Variants in THBS3 observed in about 807,000 individuals in gnomAD.
THBS3 encodes thrombospondin-3.
Under a neutral mutation model 118.3 loss-of-function variants are expected in THBS3, and 78 were observed. The observed-to-expected ratio is 0.66, with a 90% CI of 0.55 to 0.80. THBS3 has a LOEUF of 0.80. Among genes scored for constraint, THBS3 ranks in the 30% least tolerant of loss-of-function variants. The pLI is 0.00. For synonymous variants in THBS3, 427 were observed against 475.3 expected (o/e 0.90, Z 1.32); for missense variants, 1,057 against 1,247.4 (o/e 0.85, Z 2.30).
intron 5 of THBS3, 77 bp from the exon 6 acceptor site, chr1:155,203,382 C>A (rs1379879040): frequency 5.2e-5 from 82 of 1,583,276 alleles, no homozygotes; most frequent in Non-Finnish European, 7.1e-5. Context: ...AAGCCAGTAC[C>A]TGCCACGGCT....
upstream of THBS3, chr1:155,208,718 G>A: frequency 2.3e-6 from 1 of 438,348 alleles, no homozygotes; most frequent in Non-Finnish European, 3.6e-6. Flanking sequence ...CCCGGCCTCC[G>A]CTCCGGCCGC....
intron 14 of THBS3, 88 bp from the exon 15 acceptor site, chr1:155,200,201 C>T: frequency 4.0e-6 from 5 of 1,252,902 alleles, no homozygotes; most frequent in African/African-American, 1.5e-5. Context: ...TTTGTCTCCC[C>T]ACCCAGAGGA....
chr1:155,201,129 G>A lies in THBS3; in HGVS notation c.1405C>T (p.Leu469=), dbSNP rs756283825. ...TDIDGYPDQA[L]PCMDNNKHCK... ...TGTTTGTTGTTGTCCATGCAGGGCA[G>A]TGCTTGGTCTGGGTAGCCATCGATG... Residue 469 remains leucine, a synonymous_variant, in exon 12 of 23, where the codon CTG becomes TTG. Transcript: ENST00000368378. 1 of 1,614,112 alleles carries A rather than the reference G, an allele frequency of 6.2e-7. No individual in the cohort carries two copies. Among genetic ancestry groups the A allele is most frequent in the African/African-American group, 1.3e-5 (1 of 74,926 alleles).
chr1:155,203,011 C>T lies in THBS3; in HGVS notation c.809-51G>A, dbSNP rs373372540. 3 of 1,613,754 alleles carry T rather than the reference C, an allele frequency of 1.9e-6. No individual in the cohort carries two copies. In the African/African-American group the frequency reaches 4.0e-5, roughly 22 times the overall value. On this transcript the variant is annotated intron_variant, in intron 7 of 22. Coordinates refer to ENST00000368378, the MANE Select transcript of THBS3 (RefSeq NM_007112.5). ...ACCCGGTGGTCACTATTTAAGCCAC[C>T]AGAAGGGAAAGCCAAAGCCATTGGG... is the stretch of plus-strand genomic sequence containing the variant.
In THBS3 at chr1:155,195,978, CCA is replaced by C; in HGVS notation, c.2812+7_2812+8del. On this transcript the variant is annotated splice_region_variant and intron_variant, in intron 22 of 22. Coordinates refer to ENST00000368378, the MANE Select transcript of THBS3 (RefSeq NM_007112.5). ...GAAGGATTAGGTTGATCTCAATCAG[CCA>C]CCTCACCATTGCATCGATACTGGAG... 6.2e-7 allele frequency: 1 copy of C among 1,614,208 alleles called. No individual in the cohort carries two copies.
chr1:155,204,549 C>T (rs1670267256), intron 4 of THBS3, among the ~76,000 whole-genome samples: 1 of 150,548 alleles, frequency 6.6e-6, no homozygotes, highest in South Asian at 2.1e-4. Flanking sequence ...TGCACCACTG[C>T]ACTCCGGCCT....
At position 155,197,197 on chromosome 1, in the gene THBS3, G is replaced by A. The variant is rs751004409; in HGVS notation, c.2516C>T (p.Ser839Phe). 1.8e-5 allele frequency: 29 copies of A among 1,614,026 alleles called. No individual in the cohort carries two copies. The highest frequency in any genetic ancestry group is 2.4e-5 in the Non-Finnish European group (28 of 1,179,992). The part of the protein sequence containing the change: ...GLQLKAVTSV[S>F]GPGEHLRNAL... ...ATTTCGGAGGTGCTCACCTGGGCCA[G>A]ACACTGATGTCACTGCCTAGGAGAC... Residue 839 changes from serine (S) to phenylalanine (F), a missense_variant, in exon 21 of 23, where the codon TCT (serine) becomes TTT (phenylalanine). Around this residue, in one of 3 missense-constraint regions of THBS3, gnomAD observed 307 missense variants for 326.1 expected, o/e 0.94. Transcript: ENST00000368378. The surrounding 1 kb of genome is among the most constrained non-coding windows in gnomAD (Gnocchi z 5.0).
At position 155,195,977 on chromosome 1, in the gene THBS3, G is replaced by C; in HGVS notation, c.2812+10C>G. 6.2e-7 allele frequency: 1 copy of C among 1,614,206 alleles called. No homozygotes were observed. The highest frequency in any genetic ancestry group is 8.5e-7 in the Non-Finnish European group (1 of 1,180,030). ...TGAAGGATTAGGTTGATCTCAATCA[G>C]CCACCTCACCATTGCATCGATACTG... On this transcript the variant is annotated intron_variant, in intron 22 of 22. Transcript: ENST00000368378.
intron 10 of THBS3, 160 bp from the exon 11 acceptor site, chr1:155,201,729 A>G: frequency 1.0e-6 from 1 of 1,001,930 alleles, no homozygotes. Flanking sequence ...GGTGGATAAC[A>G]GCCTCAGTTT....
chr1:155,207,692 T>C, intron 1 of THBS3, 106 bp downstream of exon 1: 1 of 1,223,322 alleles, frequency 8.2e-7, no homozygotes, highest in Non-Finnish European at 1.2e-6. Context: ...TGGCTCAATT[T>C]CTGGACTCTT....
rs1670574755 is a variant in THBS3, at chr1:155,206,568, A to G, written c.80-162T>C. Among the ~76,000 whole-genome samples the G allele has an allele frequency of 6.6e-6, 1 of 151,640 alleles. No homozygotes were observed. The highest frequency in any genetic ancestry group is 2.1e-4 in the South Asian group (1 of 4,810). On this transcript the variant is annotated intron_variant, in intron 1 of 22. Coordinates refer to ENST00000368378, the MANE Select transcript of THBS3 (RefSeq NM_007112.5). The surrounding 1 kb of genome is among the most constrained non-coding windows in gnomAD (Gnocchi z 4.2). ...GGTGGCTCGCACCTGTAATCCCAAC[A>G]CCTTGGGAGGTTGAGGCAGGTGGAT...
At chr1:155,196,865 C>A in intron 21 of THBS3, 176 bp downstream of exon 21, 1 of 628,776 alleles carries the variant, frequency 1.6e-6, no homozygotes, top group South Asian at 2.0e-5. Flanking sequence ...GAAAATGGGT[C>A]ATGGAGGAGT....
In THBS3 at chr1:155,205,148, G is replaced by A. The variant is rs567259227; in HGVS notation, c.455C>T (p.Ala152Val). The A allele has an allele frequency of 1.2e-6, 2 of 1,614,226 alleles. No individual in the cohort carries two copies. Among genetic ancestry groups the A allele is most frequent in the South Asian group, 2.2e-5 (2 of 91,084 alleles). The change falls in exon 3 of 23, where the codon GCA becomes GTA. Residue 152 changes from alanine (A) to valine (V), a missense_variant. Transcript: ENST00000368378. ...AATGGGGGCCAGTGCTGGAAGGCCT[G>A]CATGTTGGTCACCCAGTTTGCAGTC... ...YVDCKLGDQH[A>V]GLPALAPIPP... is the part of the protein sequence containing the mutation.
intron 16 of THBS3, 108 bp from the exon 17 acceptor site, chr1:155,198,710 C>T (rs897723770): frequency 4.4e-6 from 5 of 1,136,652 alleles, no homozygotes; most frequent in Non-Finnish European, 6.3e-6. Flanking sequence ...AATCAGACCC[C>T]TGGCAGTCAG....
At chr1:155,196,891 A>G (rs528773421) in intron 21 of THBS3, 150 bp downstream of exon 21, 82 of 712,988 alleles carry the variant, frequency 1.2e-4, no homozygotes, top group Non-Finnish European at 1.7e-4. Context: ...CACCAACATC[A>G]CTCATAGGTG....
rs151105726 is a variant in THBS3 at position 155,199,961 on chromosome 1, T to TC, written c.1827+33dup. On this transcript the variant is annotated intron_variant, in intron 15 of 22. Transcript: ENST00000368378. ...GCTGGGGCTTCATCCATCAGTACCC[T>TC]CATCCCTCCCCTGTCCTTACCATCT... is the stretch of plus-strand genomic sequence containing the variant. 540 of 1,606,014 alleles carry TC rather than the reference T, an allele frequency of 3.4e-4. 12 individuals carry two copies. The East Asian group carries it at 8.3e-3, about 25-fold the overall frequency.
chr1:155,199,776 A>G, intron 16 of THBS3, 28 bp downstream of exon 16: 2 of 1,613,150 alleles, frequency 1.2e-6, no homozygotes, highest in South Asian at 2.2e-5. Flanking sequence ...AAAAAGAAAG[A>G]CCTTGCGTCT....
At chr1:155,205,598 C>G in intron 2 of THBS3, 1 of 411,982 alleles carries the variant, frequency 2.4e-6, no homozygotes, top group South Asian at 3.1e-5. Flanking sequence ...GTCAACATGG[C>G]GAAACCCTGT....
intron 17 of THBS3, 75 bp downstream of exon 17, chr1:155,198,334 T>C: frequency 6.3e-7 from 1 of 1,587,656 alleles, no homozygotes; most frequent in African/African-American, 1.3e-5. Context: ...CCTTCCTCAC[T>C]TCCCAACAGG....
Sources: gnomAD v4.1 joint callset for allele counts (sites outside exome capture counted in the v4.1 genomes callset) on GRCh38, gnomAD v4.1.1 for gene constraint, gnomAD v4.1.1 regional missense constraint, Gnocchi (gnomAD v3.1) non-coding constraint, MANE v1.5 for transcripts, NCBI Gene and HGNC (gene_info 2026-07-23, HGNC 2026-07-21) for gene names.